The following RIMS2 variants were observed in gnomAD, a reference collection of about 807,000 sequenced individuals.
The protein encoded by RIMS2 is regulating synaptic membrane exocytosis 2.
Under a neutral mutation model 174.4 loss-of-function variants are expected in RIMS2, and 59 were observed. The observed-to-expected ratio is 0.34, with a 90% CI of 0.27 to 0.42. The LOEUF (loss-of-function observed/expected upper bound fraction) is 0.42, where lower values mean the gene tolerates loss of function less well. RIMS2 is among the 10% of genes least tolerant of loss of function. The probability of loss-of-function intolerance (pLI) is 1.00; values close to 1 mark genes in which losing one functional copy is unlikely to be tolerated. For synonymous variants in RIMS2, 606 were observed against 572.5 expected (o/e 1.06, Z -0.84); for missense variants, 1,620 against 1,666.3 (o/e 0.97, Z 0.48).
chr8:103,960,586 A>G (rs1311060181), intron 14 of RIMS2, among the ~76,000 whole-genome samples: 1 of 152,154 alleles, frequency 6.6e-6, no homozygotes, highest in Non-Finnish European at 1.5e-5. Context: ...AGCATGAAAA[A>G]TAAGGAACTG....
chr8:103,969,398 C>T (rs1263675520), intron 15 of RIMS2, among the ~76,000 whole-genome samples: 1 of 152,036 alleles, frequency 6.6e-6, no homozygotes, highest in African/African-American at 2.4e-5. Flanking sequence ...AGTCCTTGTT[C>T]TCTTTGCTTT....
chr8:103,886,433 AT>A (rs920990529), intron 4 of RIMS2, among the ~76,000 whole-genome samples: 12 of 152,042 alleles, frequency 7.9e-5, no homozygotes, highest in African/African-American at 2.9e-4. Flanking sequence ...TGTTCTATTG[AT>A]TTTTAAAAAT....
intron 1 of RIMS2, among the ~76,000 whole-genome samples, chr8:103,590,807 T>G (rs192953112): frequency 1.4e-4 from 21 of 151,406 alleles, no homozygotes; most frequent in Admixed American, 1.3e-3. Context: ...TTTATGTTGT[T>G]GAATGTATCA....
intron 1 of RIMS2, among the ~76,000 whole-genome samples, chr8:103,607,197 G>T (rs758375687): frequency 9.9e-5 from 15 of 152,084 alleles, no homozygotes; most frequent in Non-Finnish European, 1.6e-4. Context: ...GGCAGGCCTC[G>T]TGGTGACAAA....
Position 104,191,058 on chromosome 8 carries a change from G to A in RIMS2, c.3335-53858G>A, listed in dbSNP as rs577791099. ...ATAAGAAGGGCCAGAGGAGGCAAAG[G>A]TTTGTTACCTAAATCATTATACATT... On this transcript the variant is annotated intron_variant, in intron 19 of 23. Transcript: ENST00000504942. Among the ~76,000 whole-genome samples the A allele has an allele frequency of 1.2e-4, 19 of 152,018 alleles. No individual in the cohort carries two copies. The South Asian group carries it at 3.9e-3, about 32-fold the overall frequency.
intron 19 of RIMS2, among the ~76,000 whole-genome samples, chr8:104,113,512 G>A (rs1243682793): frequency 1.3e-5 from 2 of 151,966 alleles, no homozygotes; most frequent in African/African-American, 2.4e-5. Flanking sequence ...TCTTTTGATT[G>A]AGCATATATC....
intron 19 of RIMS2, among the ~76,000 whole-genome samples, chr8:104,074,174 A>T (rs10106473): frequency 0.23 from 35,704 of 152,060 alleles, 4,495 homozygotes; most frequent in South Asian, 0.33. Flanking sequence ...GAGCTCTTCA[A>T]AAATTTAATG....
rs1395637094 is a variant in RIMS2, at chr8:103,603,929, T to G, written c.177-93157T>G. ...TGTCAGATGAGTAGGTTGCGAAAAT[T>G]TTCTCCCATTTTGTAGGTTGCCTGT... is the stretch of plus-strand genomic sequence containing the variant. On this transcript the variant is annotated intron_variant, in intron 1 of 23. Coordinates refer to ENST00000504942, the Ensembl canonical transcript of RIMS2. Among the ~76,000 whole-genome samples, 14 of 147,122 alleles carry G rather than the reference T, an allele frequency of 9.5e-5. 1 individual carries two copies. The highest frequency in any genetic ancestry group is 5.9e-4 in the East Asian group (3 of 5,094).
chr8:104,113,917 A>G (rs1185328254), intron 19 of RIMS2, among the ~76,000 whole-genome samples: 1 of 151,912 alleles, frequency 6.6e-6, no homozygotes, highest in Non-Finnish European at 1.5e-5. Context: ...CTACCACATT[A>G]TAAGGTTAGA....
chr8:103,617,888 A>T (rs2095543098), intron 1 of RIMS2, among the ~76,000 whole-genome samples: 1 of 152,180 alleles, frequency 6.6e-6, no homozygotes, highest in Non-Finnish European at 1.5e-5. Context: ...AAAATGGAAA[A>T]CTTATAAAGT....
At chr8:104,226,162 AT>A (rs2099186963) in intron 19 of RIMS2, among the ~76,000 whole-genome samples, 1 of 152,176 alleles carries the variant, frequency 6.6e-6, no homozygotes, top group Non-Finnish European at 1.5e-5. Flanking sequence ...CCACTGTATG[AT>A]TTTCACACTG....
At chr8:103,766,130 A>G (rs764153322) in intron 2 of RIMS2, 97 bp from the exon 6 acceptor site, 43 of 712,924 alleles carry the variant, frequency 6.0e-5, no homozygotes, top group Non-Finnish European at 9.6e-5. Flanking sequence ...CAGAAGGATA[A>G]CCACGTAATT....
intron 2 of RIMS2, among the ~76,000 whole-genome samples, chr8:103,735,116 G>A (rs2097669187): frequency 6.6e-6 from 1 of 152,146 alleles, no homozygotes; most frequent in African/African-American, 2.4e-5. Flanking sequence ...TCACATCTGT[G>A]GCAGCTTCCT....
intron 1 of RIMS2, among the ~76,000 whole-genome samples, chr8:103,639,362 A>G (rs990751632): frequency 6.6e-6 from 1 of 151,912 alleles, no homozygotes; most frequent in African/African-American, 2.4e-5. Context: ...GCATAATTCC[A>G]TGGGTTTTGA....
At chr8:104,112,128 A>G (rs1566476434) in intron 19 of RIMS2, among the ~76,000 whole-genome samples, 1 of 152,226 alleles carries the variant, frequency 6.6e-6, no homozygotes, top group Non-Finnish European at 1.5e-5. Context: ...TACATATTAC[A>G]CAAAATGAGC....
At chr8:104,247,400 A>G (rs1469400739) in intron 20 of RIMS2, among the ~76,000 whole-genome samples, 1 of 151,682 alleles carries the variant, frequency 6.6e-6, no homozygotes, top group Non-Finnish European at 1.5e-5. Context: ...GTGCTTATCT[A>G]CTCCTGGTGT....
intron 3 of RIMS2, among the ~76,000 whole-genome samples, chr8:103,840,508 A>G (rs928582090): frequency 6.6e-6 from 1 of 151,988 alleles, no homozygotes; most frequent in Non-Finnish European, 1.5e-5. Flanking sequence ...CCACTCTCCC[A>G]CAGAGAGATT....
At chr8:103,545,084 G>A (rs1844380999) in intron 1 of RIMS2, among the ~76,000 whole-genome samples, 1 of 152,262 alleles carries the variant, frequency 6.6e-6, no homozygotes, top group South Asian at 2.1e-4. Flanking sequence ...AATGTGAATA[G>A]GAATGAAGAT....
At chr8:103,536,416 G>T (rs1400233043) in intron 1 of RIMS2, among the ~76,000 whole-genome samples, 1 of 152,162 alleles carries the variant, frequency 6.6e-6, no homozygotes, top group East Asian at 1.9e-4. Flanking sequence ...ATCTTAAGAT[G>T]TACATTGGTC....
Sources: allele counts gnomAD v4.1 joint callset (sites outside exome capture counted in the v4.1 genomes callset), GRCh38; gene constraint gnomAD v4.1.1; transcripts MANE v1.5; gene names NCBI Gene and HGNC (gene_info 2026-07-23, HGNC 2026-07-21).